The following DPP6 variants were observed in gnomAD, a reference collection of about 807,000 sequenced individuals.
DPP6 encodes the protein dipeptidyl peptidase like 6.
DPP6 carries 69 observed loss-of-function variants against 122.6 expected under a neutral mutation model. That is an observed-to-expected ratio of 0.56 (90% CI 0.46 to 0.69). The LOEUF (loss-of-function observed/expected upper bound fraction) is 0.69, where lower values mean the gene tolerates loss of function less well. Among genes scored for constraint, DPP6 ranks in the 30% least tolerant of loss-of-function variants. The pLI, the probability that DPP6 is intolerant of heterozygous loss-of-function variation, is 0.00. For synonymous variants in DPP6, 418 were observed against 433.1 expected (o/e 0.97, Z 0.43); for missense variants, 928 against 1,116.9 (o/e 0.83, Z 2.41).
intron 1 of DPP6, among the ~76,000 whole-genome samples, chr7:154,226,449 G>T (rs1800608089): frequency 6.6e-6 from 1 of 152,192 alleles, no homozygotes; most frequent in Admixed American, 6.5e-5. Flanking sequence ...TCAGTAAATA[G>T]GGGAGCATCA....
At chr7:154,820,147 A>G (rs1296897765) in intron 16 of DPP6, among the ~76,000 whole-genome samples, 1 of 152,216 alleles carries the variant, frequency 6.6e-6, no homozygotes, top group East Asian at 1.9e-4. Flanking sequence ...CCATGTGTCC[A>G]CAGCCTGGGC....
chr7:154,561,809 C>T (rs1199063883), intron 4 of DPP6, among the ~76,000 whole-genome samples: 1 of 151,926 alleles, frequency 6.6e-6, no homozygotes, highest in Admixed American at 6.6e-5. Flanking sequence ...AATCAGACAC[C>T]AAGCAAACAT....
intron 1 of DPP6, among the ~76,000 whole-genome samples, chr7:153,914,018 G>A (rs573847552): frequency 2.0e-5 from 3 of 152,088 alleles, no homozygotes; most frequent in Admixed American, 6.5e-5. Flanking sequence ...TGGTGATAAC[G>A]GTTTGGCTGT....
At chr7:154,680,398 T>C (rs947394287) in intron 7 of DPP6, among the ~76,000 whole-genome samples, 6 of 152,188 alleles carry the variant, frequency 3.9e-5, no homozygotes, top group African/African-American at 7.2e-5. Context: ...TTCTAAAAGC[T>C]GGAAATGTCC....
At chr7:154,308,314 T>TAAAA (rs5888568) in intron 1 of DPP6, among the ~76,000 whole-genome samples, 7 of 151,254 alleles carry the variant, frequency 4.6e-5, no homozygotes, top group South Asian at 2.1e-4. Context: ...CCGTGTTTGC[T>TAAAA]AAAAAAAATG....
chr7:153,916,581 G>A (rs1206302400), intron 1 of DPP6, among the ~76,000 whole-genome samples: 2 of 151,582 alleles, frequency 1.3e-5, no homozygotes, highest in Non-Finnish European at 2.9e-5. Context: ...GCTAATTTTT[G>A]TATTTTTAGT....
chr7:154,673,692 A>T (rs58845199), intron 7 of DPP6, among the ~76,000 whole-genome samples: 18,222 of 152,126 alleles, frequency 0.12, 1,175 homozygotes, highest in African/African-American at 0.16. Context: ...TTAAATGAGA[A>T]ATCCTAGGTA....
At chr7:154,073,418 C>T (rs1313208834) in intron 1 of DPP6, among the ~76,000 whole-genome samples, 3 of 152,260 alleles carry the variant, frequency 2.0e-5, no homozygotes, top group Non-Finnish European at 2.9e-5. Flanking sequence ...TTGCTCCTCT[C>T]CGTGGCTCTG....
chr7:154,353,091 A>G (rs1811005296), intron 1 of DPP6, among the ~76,000 whole-genome samples: 1 of 152,208 alleles, frequency 6.6e-6, no homozygotes, highest in Non-Finnish European at 1.5e-5. Flanking sequence ...TGTAGGCTTC[A>G]GACCTGCAGA....
intron 1 of DPP6, chr7:154,305,292 CCTCT>C (rs1806224850): frequency 1.5e-6 from 2 of 1,318,486 alleles, no homozygotes; most frequent in Middle Eastern, 2.8e-4. Context: ...TGCTTCGGAT[CCTCT>C]CTCTGCTGCT....
At chr7:154,187,987 G>C (rs568649883) in intron 1 of DPP6, among the ~76,000 whole-genome samples, 1 of 152,042 alleles carries the variant, frequency 6.6e-6, no homozygotes, top group Non-Finnish European at 1.5e-5. Flanking sequence ...CAGTAGAACC[G>C]TCTGAAGGTC....
At chr7:154,748,153 A>T (rs579864) in intron 8 of DPP6, among the ~76,000 whole-genome samples, 1 of 151,978 alleles carries the variant, frequency 6.6e-6, no homozygotes, top group African/African-American at 2.4e-5. Context: ...ACAGCAGCCC[A>T]TGTAGAGGGG....
At chr7:154,217,136 C>T (rs1034269634) in intron 1 of DPP6, among the ~76,000 whole-genome samples, 2 of 151,874 alleles carry the variant, frequency 1.3e-5, no homozygotes, top group African/African-American at 4.8e-5. Flanking sequence ...AAATACAGCA[C>T]TCAAATTTTT....
intron 1 of DPP6, among the ~76,000 whole-genome samples, chr7:153,905,993 C>A (rs1799833616): frequency 6.6e-6 from 1 of 152,218 alleles, no homozygotes; most frequent in East Asian, 1.9e-4. Flanking sequence ...CAAAATAAAC[C>A]AAGGAGACAA....
the DPP6 span, among the ~76,000 whole-genome samples, chr7:153,854,295 G>C: frequency 6.6e-6 from 1 of 152,138 alleles, no homozygotes; most frequent in East Asian, 1.9e-4. Flanking sequence ...CTCCAGCTTT[G>C]TTCTTTTGGC....
intron 1 of DPP6, among the ~76,000 whole-genome samples, chr7:154,134,670 C>A (rs927802512): frequency 6.6e-6 from 1 of 152,198 alleles, no homozygotes; most frequent in Non-Finnish European, 1.5e-5. Flanking sequence ...TGTGAGCATA[C>A]ACTTCCTGTA....
At chr7:154,171,340 C>A (rs1437263047) in intron 1 of DPP6, among the ~76,000 whole-genome samples, 3 of 152,162 alleles carry the variant, frequency 2.0e-5, no homozygotes, top group Admixed American at 2.0e-4. Context: ...TGTTCTGTGC[C>A]TGGTACATGG....
chr7:153,988,402 G>A (rs1424628016), intron 1 of DPP6, among the ~76,000 whole-genome samples: 3 of 152,098 alleles, frequency 2.0e-5, no homozygotes, highest in Non-Finnish European at 4.4e-5. Flanking sequence ...TGCTGTGCTG[G>A]TAAGGTGTGG....
chr7:154,325,943 T>A (rs1808409035), intron 1 of DPP6, among the ~76,000 whole-genome samples: 1 of 152,178 alleles, frequency 6.6e-6, no homozygotes, highest in Non-Finnish European at 1.5e-5. Context: ...TCATTTTAAT[T>A]GAATCTTAAA....
Sources: gnomAD v4.1 joint callset for allele counts (sites outside exome capture counted in the v4.1 genomes callset) on GRCh38, gnomAD v4.1.1 for gene constraint, MANE v1.5 for transcripts, NCBI Gene and HGNC (gene_info 2026-07-23, HGNC 2026-07-21) for gene names.